MTA3: variants seen among roughly 807,000 people sequenced by gnomAD.
MTA3 encodes the protein metastasis associated 1 family member 3.
MTA3 carries 34 observed loss-of-function variants against 83.5 expected under a neutral mutation model. That is an observed-to-expected ratio of 0.41 (90% CI 0.31 to 0.54). The LOEUF (loss-of-function observed/expected upper bound fraction) is 0.54, where lower values mean the gene tolerates loss of function less well. MTA3 is among the 20% of genes least tolerant of loss of function. MTA3 has a pLI of 0.33. For missense variants in MTA3, 761 were observed against 726.4 expected (o/e 1.05, Z -0.55); for synonymous variants, 303 against 252.7 (o/e 1.20, Z -1.89).
At chr2:42,564,937 C>G (rs905838630), upstream of MTA3, among the ~76,000 whole-genome samples, 1 of 151,878 alleles carries the variant, frequency 6.6e-6, no homozygotes, top group Admixed American at 6.6e-5. Flanking sequence ...CCACCATGCC[C>G]GGCTAATTTT....
chr2:42,502,695 G>A (rs1195741914), intron 2 of MTA3, among the ~76,000 whole-genome samples: 1 of 151,482 alleles, frequency 6.6e-6, no homozygotes, highest in Non-Finnish European at 1.5e-5. Context: ...CACTCAGGAG[G>A]CTGAGGCAGG....
chr2:42,524,472 G>T (rs1173953218), intron 2 of MTA3, among the ~76,000 whole-genome samples: 13 of 70,670 alleles, frequency 1.8e-4, no homozygotes, highest in South Asian at 5.7e-4. Context: ...GGCTAGTTGT[G>T]TTTTTTTTTT....
chr2:42,568,884 C>T, intron 1 of MTA3, 111 bp downstream of exon 1: 2 of 1,079,948 alleles, frequency 1.9e-6, no homozygotes, highest in Non-Finnish European at 2.3e-6. Context: ...GCTGAGGTCG[C>T]AGTGGGCTGG....
intron 8 of MTA3, among the ~76,000 whole-genome samples, chr2:42,679,465 A>G (rs1355519405): frequency 6.6e-6 from 1 of 152,242 alleles, no homozygotes. Context: ...GAGTGAAGCA[A>G]GGAAAGATGA....
intron 2 of MTA3, chr2:42,511,901 C>A (rs1558405744): frequency 6.6e-6 from 1 of 151,936 alleles, no homozygotes; most frequent in Non-Finnish European, 1.5e-5. Context: ...CCTGTAGTCC[C>A]AGCTGCTGGG....
intron 11 of MTA3, chr2:42,702,206 T>C (rs1665644304): frequency 6.6e-6 from 1 of 152,324 alleles, no homozygotes; most frequent in Admixed American, 6.5e-5. Context: ...AGCGAGACTT[T>C]GTCTCAAAAA....
Position 42,549,303 on chromosome 2 carries a change from C to T in MTA3, c.-140-21134C>T, listed in dbSNP as rs1184244494. On this transcript the variant is annotated intron_variant, in intron 2 of 17. Transcript: ENST00000405592. ...ATGTAATATATAATGTATATGTACA[C>T]GTATATAATATATAATATATTATAT... 3.4e-4 allele frequency among the ~76,000 whole-genome samples: 32 copies of T among 93,896 alleles called. 1 individual carries two copies. The highest frequency in any genetic ancestry group is 1.2e-3 in the African/African-American group (28 of 23,598). The allele number at this position is 93,896 out of a possible 152,430, so 61.6% of individuals were successfully genotyped here.
chr2:42,587,032 A>G (rs1246423350), intron 3 of MTA3, among the ~76,000 whole-genome samples: 7 of 151,420 alleles, frequency 4.6e-5, no homozygotes, highest in Non-Finnish European at 1.0e-4. Flanking sequence ...AAAAAAAATA[A>G]AAATGCAAAA....
At chr2:42,674,339 C>T (rs550481296) in intron 8 of MTA3, among the ~76,000 whole-genome samples, 1 of 152,336 alleles carries the variant, frequency 6.6e-6, no homozygotes, top group Non-Finnish European at 1.5e-5. Flanking sequence ...GATGAGAATT[C>T]CATTGCCAAG....
At chr2:42,567,896 C>A (rs528837368), upstream of MTA3, 5 of 152,396 alleles carry the variant, frequency 3.3e-5, no homozygotes, top group African/African-American at 1.2e-4. Flanking sequence ...GCAGAACAGG[C>A]CCTGCATATA....
rs1365292516 is a variant in MTA3 at position 42,708,985 on chromosome 2, A to G, written c.1414A>G (p.Thr472Ala). Residue 472 changes from threonine (T) to alanine (A), a missense_variant, in exon 14 of 17, where the codon ACT (threonine) becomes GCT (alanine). Coordinates refer to ENST00000405094, the MANE Select transcript of MTA3 (RefSeq NM_001330442.2). ...VKTRQAFFLH[T>A]TYFTKFARQV... is the part of the protein sequence containing the mutation. Reference sequence around the variant, plus strand: ...GACCCGCCAAGCTTTCTTCCTTCATACTACATATTTCACAAAATTTGCTCG... The same window carrying G: ...GACCCGCCAAGCTTTCTTCCTTCATGCTACATATTTCACAAAATTTGCTCG... 1 of 1,614,014 alleles carries G rather than the reference A, an allele frequency of 6.2e-7. No individual in the cohort carries two copies. The highest frequency in any genetic ancestry group is 8.5e-7 in the Non-Finnish European group (1 of 1,179,888).
At chr2:42,626,071 T>G (rs1163282071) in intron 4 of MTA3, among the ~76,000 whole-genome samples, 1 of 148,274 alleles carries the variant, frequency 6.7e-6, no homozygotes, top group Admixed American at 6.8e-5. Context: ...GCCTCCCGAG[T>G]AGCTGGGACT....
chr2:42,502,423 T>C (rs1674437632), intron 2 of MTA3, among the ~76,000 whole-genome samples: 1 of 152,178 alleles, frequency 6.6e-6, no homozygotes, highest in Admixed American at 6.5e-5. Flanking sequence ...CAGGGACATA[T>C]GTGCAGATGT....
At chr2:42,724,527 C>A (rs1021479982) in intron 16 of MTA3, among the ~76,000 whole-genome samples, 5 of 151,648 alleles carry the variant, frequency 3.3e-5, no homozygotes, top group African/African-American at 1.2e-4. Context: ...GTCTGTAGTC[C>A]CAGCTACTCA....
chr2:42,528,267 G>A (rs1194638424), intron 2 of MTA3, among the ~76,000 whole-genome samples: 1 of 146,564 alleles, frequency 6.8e-6, no homozygotes, highest in Admixed American at 6.9e-5. Context: ...GTTGCCCAGG[G>A]TGGAGTGCGG....
At position 42,609,490 on chromosome 2, in the gene MTA3, G is replaced by A; in HGVS notation, c.223G>A (p.Glu75Lys). The change falls in exon 4 of 17, where the codon GAG becomes AAG. Residue 75 changes from glutamate (E) to lysine (K), a missense_variant. Physicochemically the swap from Glu to Lys is moderately conservative, Grantham distance 56. Coordinates refer to ENST00000405094, the MANE Select transcript of MTA3 (RefSeq NM_001330442.2). ...TGAGGAAGAATCTGAAACAACAGTT[G>A]AGGCTGACTTGACCGATAAGCAGAA... ...EIEEESETTV[E>K]ADLTDKQKHQ... The A allele has an allele frequency of 6.2e-7, 1 of 1,613,828 alleles. No homozygotes were observed. Among genetic ancestry groups the A allele is most frequent in the African/African-American group, 1.3e-5 (1 of 75,034 alleles).
intron 3 of MTA3, among the ~76,000 whole-genome samples, chr2:42,583,012 C>T (rs536105767): frequency 1.4e-4 from 22 of 152,010 alleles, no homozygotes; most frequent in South Asian, 8.3e-4. Flanking sequence ...CTTTTTTTCT[C>T]ATCTGTAAAA....
intron 14 of MTA3, among the ~76,000 whole-genome samples, chr2:42,711,555 C>T (rs1666610498): frequency 6.6e-6 from 1 of 152,122 alleles, no homozygotes. Context: ...TTTAAAATGA[C>T]AGTGTTTCAG....
Position 42,756,734 on chromosome 2 carries a change from C to G in MTA3, c.*3335C>G, listed in dbSNP as rs918416769. ...CCATTCCCCCCAGGAAGGCCATGTC[C>G]CAGTTTTCTGTCCACCCCTCCTGTT... On this transcript the variant is annotated 3_prime_UTR_variant, in exon 17 of 17. Coordinates refer to ENST00000405094, the MANE Select transcript of MTA3 (RefSeq NM_001330442.2). 22 of 985,370 alleles carry G rather than the reference C, an allele frequency of 2.2e-5. No homozygotes were observed. The highest frequency in any genetic ancestry group is 2.5e-5 in the Non-Finnish European group (21 of 829,990). 61.0% of individuals were successfully genotyped at this position (985,370 alleles called of 1,614,324 possible). A position where few individuals can be genotyped will look rare whatever the true frequency, so the allele number is the denominator to read the frequency against.
Sources: gnomAD v4.1 joint callset for allele counts (sites outside exome capture counted in the v4.1 genomes callset) on GRCh38, gnomAD v4.1.1 for gene constraint, MANE v1.5 for transcripts, NCBI Gene and HGNC (gene_info 2026-07-23, HGNC 2026-07-21) for gene names.